SLC37A2: variants seen among roughly 807,000 people sequenced by gnomAD.
SLC37A2 encodes the protein solute carrier family 37 member 2, also known as glucose-6-phosphate exchanger SLC37A2.
In SLC37A2, 59 loss-of-function variants were observed where a neutral mutation model predicts 70.7. That is an observed-to-expected ratio of 0.83 (90% CI 0.68 to 1.04). SLC37A2 has a LOEUF of 1.04. Ranked by LOEUF, SLC37A2 falls within the 50% of genes least tolerant of loss-of-function variation. The pLI, the probability that SLC37A2 is intolerant of heterozygous loss-of-function variation, is 0.00. For synonymous variants in SLC37A2, 257 were observed against 262.1 expected (o/e 0.98, Z 0.19); for missense variants, 580 against 658.1 (o/e 0.88, Z 1.30).
At position 125,077,550 on chromosome 11, in the gene SLC37A2, A is replaced by G. The variant is rs745588298; in HGVS notation, c.314+22A>G. On this transcript the variant is annotated intron_variant, in intron 4 of 17. Transcript: ENST00000403796. ...TCAGGTAAGGACAGAGGCTGAGCCT[A>G]TGACCAAGAGGAGGATGGTTTAGAG... The G allele has an allele frequency of 8.1e-6, 13 of 1,601,364 alleles. No individual in the cohort carries two copies. In the African/African-American group the frequency reaches 1.7e-4, roughly 22 times the overall value.
rs1949273895 is a variant in SLC37A2 at position 125,090,412 on chromosome 11, T to A, written c.*2278T>A. ...TAAGCAGGATGTGGGTGGGGCCAGA[T>A]AAGAGAATAAAAGCAGGCTGCCCGA... On this transcript the variant is annotated 3_prime_UTR_variant, in exon 18 of 18. Transcript: ENST00000403796. The A allele has an allele frequency of 6.6e-6, 1 of 152,310 alleles. No individual in the cohort carries two copies. Among genetic ancestry groups the A allele is most frequent in the African/African-American group, 2.4e-5 (1 of 41,454 alleles). The allele number at this position is 152,310 out of a possible 1,614,324, so 9.4% of individuals were successfully genotyped here. A position where few individuals can be genotyped will look rare whatever the true frequency, so the allele number is the denominator to read the frequency against.
chr11:125,076,905 A>C, intron 2 of SLC37A2, 67 bp downstream of exon 2: 5 of 1,498,818 alleles, frequency 3.3e-6, no homozygotes, highest in Non-Finnish European at 4.6e-6. Flanking sequence ...ACCCCTTCCC[A>C]TGGCCACCGA....
Position 125,086,016 on chromosome 11 carries a change from C to G in SLC37A2, c.1488C>G (p.Ser496Arg). The G allele has an allele frequency of 6.2e-7, 1 of 1,613,730 alleles. No individual in the cohort carries two copies. The highest frequency in any genetic ancestry group is 8.5e-7 in the Non-Finnish European group (1 of 1,179,616). ...LAWKVSLSRG[S>R]GYKEI is the part of the protein sequence containing the mutation. Reference sequence around the variant, plus strand: ...GGAAGGTGTCCCTGAGCAGAGGCAGCGGGTGAGTCCGGGGAGCTGAAGCTG... The same window carrying G: ...GGAAGGTGTCCCTGAGCAGAGGCAGGGGGTGAGTCCGGGGAGCTGAAGCTG... The change falls in exon 17 of 18, where the codon AGC becomes AGG. Residue 496 changes from serine (S) to arginine (R), a missense_variant and splice_region_variant. Coordinates refer to ENST00000403796, the MANE Select transcript of SLC37A2 (RefSeq NM_001145290.2).
At chr11:125,075,655 C>G (rs191538970) in intron 1 of SLC37A2, among the ~76,000 whole-genome samples, 3 of 152,350 alleles carry the variant, frequency 2.0e-5, no homozygotes, top group Middle Eastern at 6.8e-3. Context: ...AGCCTCGTAG[C>G]CCAAGCCCAA....
rs1251632539 is a variant in SLC37A2, at chr11:125,077,488, A to C, written c.274A>C (p.Asn92His). Reference protein sequence around the residue: ...NYKELLGGVDNAFLIAYAIGM... With the variant: ...NYKELLGGVDHAFLIAYAIGM... ...TAAGGAGTTACTAGGGGGCGTGGAC[A>C]ACGCCTTCCTCATCGCCTATGCCAT... The change falls in exon 4 of 18, where the codon AAC becomes CAC. Residue 92 changes from asparagine (N) to histidine (H), a missense_variant. Asn to His is a moderately conservative substitution (Grantham distance 68). Coordinates refer to ENST00000403796, the MANE Select transcript of SLC37A2 (RefSeq NM_001145290.2). 1 of 1,613,870 alleles carries C rather than the reference A, an allele frequency of 6.2e-7. No individual in the cohort carries two copies. Among genetic ancestry groups the C allele is most frequent in the East Asian group, 2.2e-5 (1 of 44,888 alleles).
intron 14 of SLC37A2, 127 bp from the exon 15 acceptor site, chr11:125,085,267 AC>A: frequency 3.2e-6 from 4 of 1,237,996 alleles, no homozygotes; most frequent in Non-Finnish European, 4.6e-6. Context: ...TTCAGAACGC[AC>A]CATGGGCCCC....
At position 125,083,809 on chromosome 11, in the gene SLC37A2, C is replaced by T. The variant is rs756530093; in HGVS notation, c.977-6C>T. 3 of 1,614,042 alleles carry T rather than the reference C, an allele frequency of 1.9e-6. No individual in the cohort carries two copies. Among genetic ancestry groups the T allele is most frequent in the South Asian group, 2.2e-5 (2 of 91,080 alleles). ...AGGTCTGACCACATACCTGTATTTT[C>T]CACAGCTCACTTTAGTGCCAAGGAG... On this transcript the variant is annotated splice_region_variant and splice_polypyrimidine_tract_variant and intron_variant, in intron 10 of 17. Transcript: ENST00000403796. This position sits in a 1 kb window ranked among gnomAD's most constrained non-coding sequence, Gnocchi z 4.6.
At chr11:125,070,945 G>T (rs982907373) in intron 1 of SLC37A2, among the ~76,000 whole-genome samples, 1 of 152,226 alleles carries the variant, frequency 6.6e-6, no homozygotes, top group African/African-American at 2.4e-5. Flanking sequence ...TAGCAGCAAG[G>T]TTTCGAAATA....
intron 1 of SLC37A2, among the ~76,000 whole-genome samples, chr11:125,075,664 A>G (rs1272646049): frequency 1.3e-5 from 2 of 152,244 alleles, no homozygotes; most frequent in African/African-American, 4.8e-5. Context: ...GCCCAAGCCC[A>G]ATTCAGCCTT....
chr11:125,074,909 C>G (rs1420331625), intron 1 of SLC37A2, among the ~76,000 whole-genome samples: 1 of 152,206 alleles, frequency 6.6e-6, no homozygotes, highest in African/African-American at 2.4e-5. Context: ...GGCCCTGGCA[C>G]ATCCAAGTGG....
chr11:125,087,934 G>T (rs1006491810), intron 17 of SLC37A2, 185 bp from the exon 18 acceptor site: 1 of 660,822 alleles, frequency 1.5e-6, no homozygotes, highest in Non-Finnish European at 2.6e-6. Flanking sequence ...GCCCGGCCAG[G>T]TTTTAAATAT....
At chr11:125,069,833 C>G (rs118040900) in intron 1 of SLC37A2, among the ~76,000 whole-genome samples, 3,870 of 152,362 alleles carry the variant, frequency 0.025, 62 homozygotes, top group Non-Finnish European at 0.039. Flanking sequence ...TGTTGCTCTC[C>G]TCCTCCTGTT....
rs780759659 is a variant in SLC37A2 at position 125,083,873 on chromosome 11, C to T, written c.1035C>T (p.Ile345=). The part of the protein sequence containing the change: ...DLSTLFDVGG[I]IGGIVAGLVS... ...CTACACTCTTCGATGTTGGTGGCAT[C>T]ATAGGTGAGGCCTTGCCCTGCTCTG... Residue 345 remains isoleucine, a synonymous_variant, in exon 11 of 18, where the codon ATC becomes ATT. Transcript: ENST00000403796. The surrounding 1 kb of genome is among the most constrained non-coding windows in gnomAD (Gnocchi z 4.6). 8.7e-6 allele frequency: 14 copies of T among 1,614,148 alleles called. No individual in the cohort carries two copies. Among genetic ancestry groups the T allele is most frequent in the Non-Finnish European group, 1.2e-5 (14 of 1,179,994 alleles).
At chr11:125,084,923 T>C in intron 13 of SLC37A2, 50 bp downstream of exon 13, 1 of 1,610,238 alleles carries the variant, frequency 6.2e-7, no homozygotes, top group Non-Finnish European at 8.5e-7. Flanking sequence ...GGCACTGCCT[T>C]GGGGGCCCCA....
intron 1 of SLC37A2, among the ~76,000 whole-genome samples, chr11:125,070,702 A>G (rs1223491606): frequency 6.6e-6 from 1 of 152,176 alleles, no homozygotes; most frequent in Non-Finnish European, 1.5e-5. Context: ...GCTCCTGGGG[A>G]GAACCTGGAG....
At chr11:125,085,315 C>G (rs1293328684) in intron 14 of SLC37A2, 80 bp from the exon 15 acceptor site, 24 of 1,440,844 alleles carry the variant, frequency 1.7e-5, no homozygotes, top group East Asian at 2.4e-5. Flanking sequence ...ACCACCTTCC[C>G]TGAGTCAGCC....
rs187517187 is a variant in SLC37A2 at position 125,085,088 on chromosome 11, C to G, written c.1197C>G (p.Gly399=). 216 of 1,614,100 alleles carry G rather than the reference C, an allele frequency of 1.3e-4. No individual in the cohort carries two copies. Among genetic ancestry groups the G allele is most frequent in the Middle Eastern group, 3.3e-4 (2 of 6,060 alleles). ...SSIVMLIICG[G]LVNGPYALIT... is the part of the protein sequence containing the mutation. ...CAGTGATGCTGATCATCTGTGGGGG[C>G]CTGGTCAATGGCCCATACGCGCTCA... The change falls in exon 14 of 18, where the codon GGC becomes GGG. Residue 399 remains glycine, a synonymous_variant. Transcript: ENST00000403796.
chr11:125,069,126 T>C (rs1034503391), intron 1 of SLC37A2, among the ~76,000 whole-genome samples: 1 of 152,256 alleles, frequency 6.6e-6, no homozygotes, highest in African/African-American at 2.4e-5. Flanking sequence ...TTCTATTTGT[T>C]TTTCCTACTA....
Position 125,079,244 on chromosome 11 carries a change from C to T in SLC37A2, c.447C>T (p.Ile149=). The change falls in exon 5 of 18, where the codon ATC becomes ATT. Residue 149 remains isoleucine (I), a synonymous_variant. Coordinates refer to ENST00000403796, the MANE Select transcript of SLC37A2 (RefSeq NM_001145290.2). ...NIHELWYFVV[I]QVCNGLVQTT... The stretch of plus-strand genomic sequence containing the variant: ...ACGAGCTCTGGTACTTTGTGGTCAT[C>T]CAGGTATGAATCACCGTCTTGCACT... 6.2e-7 allele frequency: 1 copy of T among 1,614,088 alleles called. No homozygotes were observed. The highest frequency in any genetic ancestry group is 8.5e-7 in the Non-Finnish European group (1 of 1,179,996).
Sources: gnomAD v4.1 joint callset for allele counts (sites outside exome capture counted in the v4.1 genomes callset) on GRCh38, gnomAD v4.1.1 for gene constraint, Gnocchi (gnomAD v3.1) non-coding constraint, MANE v1.5 for transcripts, NCBI Gene and HGNC (gene_info 2026-07-23, HGNC 2026-07-21) for gene names.